WDR11: variants seen among roughly 807,000 people sequenced by gnomAD.
The protein encoded by WDR11 is WD repeat-containing protein 11.
Under a neutral mutation model 151.2 loss-of-function variants are expected in WDR11, and 83 were observed. The observed-to-expected ratio is 0.55, with a 90% CI of 0.46 to 0.66. The LOEUF (loss-of-function observed/expected upper bound fraction) is 0.66, where lower values mean the gene tolerates loss of function less well. WDR11 is among the 30% of genes least tolerant of loss of function. WDR11 has a pLI of 0.00. For missense variants in WDR11, 1,301 were observed against 1,480.9 expected (o/e 0.88, Z 1.99); for synonymous variants, 484 against 533.1 (o/e 0.91, Z 1.27).
chr10:120,871,193 G>T lies in WDR11; in HGVS notation c.1318G>T (p.Glu440Ter). 2 of 1,614,118 alleles carry T rather than the reference G, an allele frequency of 1.2e-6. No individual in the cohort carries two copies. The highest frequency in any genetic ancestry group is 1.7e-6 in the Non-Finnish European group (2 of 1,180,012). The change falls in exon 10 of 29, where the codon GAA becomes TAA. Residue 440 changes from glutamate (E) to a stop codon, truncating the protein, a stop_gained. Transcript: ENST00000263461. LOFTEE classifies it high-confidence loss of function. Reference protein sequence around the residue: ...MIGQSAIAGEEHPRGSILREV... With the variant: ...MIGQSAIAGE ...AGGGCAAAGTGCAATTGCTGGGGAA[G>T]AACATCCCAGAGGTTCAATTCTGCG...
chr10:120,855,315 G>T (rs1845909985), intron 2 of WDR11, among the ~76,000 whole-genome samples: 1 of 152,146 alleles, frequency 6.6e-6, no homozygotes, highest in Non-Finnish European at 1.5e-5. Flanking sequence ...AGGCAGGATG[G>T]AACAGGACAG....
intron 11 of WDR11, among the ~76,000 whole-genome samples, chr10:120,877,614 C>G (rs1456835338): frequency 6.6e-6 from 1 of 151,842 alleles, no homozygotes; most frequent in East Asian, 1.9e-4. Flanking sequence ...GAGACCCTGT[C>G]TCAAAAAACA....
intron 19 of WDR11, among the ~76,000 whole-genome samples, chr10:120,893,283 T>C (rs887946619): frequency 6.4e-4 from 98 of 152,004 alleles, no homozygotes; most frequent in African/African-American, 2.2e-3. Context: ...TTTGTCCTTT[T>C]GATAGTTTGC....
Position 120,866,621 on chromosome 10 carries a change from A to G in WDR11, c.1047A>G (p.Ala349=), listed in dbSNP as rs760543760. Residue 349 remains alanine, a synonymous_variant, in exon 8 of 29, where the codon GCA becomes GCG. Transcript: ENST00000263461. ...ATGATTTACGAAGCCAGTGTGATGC[A>G]ATCAGGGTGACAAAAACCGTCCGTC... is the stretch of plus-strand genomic sequence containing the variant. The part of the protein sequence containing the change: ...LTYDLRSQCD[A]IRVTKTVRPF... 4 of 1,614,112 alleles carry G rather than the reference A, an allele frequency of 2.5e-6. No individual in the cohort carries two copies. Among genetic ancestry groups the G allele is most frequent in the Non-Finnish European group, 3.4e-6 (4 of 1,180,056 alleles).
chr10:120,888,013 A>G (rs1847283881), intron 16 of WDR11, among the ~76,000 whole-genome samples: 1 of 152,070 alleles, frequency 6.6e-6, no homozygotes, highest in Non-Finnish European at 1.5e-5. Flanking sequence ...CTATTACCAG[A>G]GTTTTTACGG....
rs144571765 is a variant in WDR11 at position 120,886,255 on chromosome 10, A to G, written c.1973+317A>G. 5.3e-3 allele frequency among the ~76,000 whole-genome samples: 800 copies of G among 152,270 alleles called. 5 individuals carry two copies. The highest frequency in any genetic ancestry group is 0.018 in the African/African-American group (744 of 41,554). ...TCTGAAATTCAAATGAACATAGCAT[A>G]GACATACAGATAGATCATATTATCA... On this transcript the variant is annotated intron_variant, in intron 15 of 28. Coordinates refer to ENST00000263461, the MANE Select transcript of WDR11 (RefSeq NM_018117.12).
At chr10:120,857,862 C>G (rs1047621758) in intron 2 of WDR11, among the ~76,000 whole-genome samples, 11 of 152,134 alleles carry the variant, frequency 7.2e-5, no homozygotes, top group African/African-American at 2.7e-4. Context: ...ATGGAACTTA[C>G]AGTTGATGGA....
chr10:120,881,838 C>T (rs1847017219), intron 13 of WDR11, among the ~76,000 whole-genome samples: 1 of 151,814 alleles, frequency 6.6e-6, no homozygotes, highest in South Asian at 2.1e-4. Context: ...GATCTATAGG[C>T]CTTCTTTTTG....
At chr10:120,882,803 T>C (rs1234177292) in intron 13 of WDR11, among the ~76,000 whole-genome samples, 3 of 152,096 alleles carry the variant, frequency 2.0e-5, no homozygotes, top group Non-Finnish European at 4.4e-5. Flanking sequence ...CTATGATTTT[T>C]CCATTTTCAA....
In WDR11 at chr10:120,852,516, T is replaced by A; in HGVS notation, c.87-8T>A. 6.2e-7 allele frequency: 1 copy of A among 1,613,328 alleles called. No homozygotes were observed. Among genetic ancestry groups the A allele is most frequent in the Non-Finnish European group, 8.5e-7 (1 of 1,179,372 alleles). Reference sequence around the variant, plus strand: ...TGTACTTAAACTTTAACATTACTGTTTTGCTAGGGGCTGGCAAGGTTTAAT... The same window carrying A: ...TGTACTTAAACTTTAACATTACTGTATTGCTAGGGGCTGGCAAGGTTTAAT... On this transcript the variant is annotated splice_polypyrimidine_tract_variant and splice_region_variant and intron_variant, in intron 1 of 28. Coordinates refer to ENST00000263461, the MANE Select transcript of WDR11 (RefSeq NM_018117.12).
chr10:120,861,517 G>A (rs971045843), intron 4 of WDR11, among the ~76,000 whole-genome samples: 2 of 152,190 alleles, frequency 1.3e-5, no homozygotes, highest in African/African-American at 4.8e-5. Flanking sequence ...TGAAGGATGA[G>A]TTCTGGAACC....
intron 27 of WDR11, 70 bp from the exon 28 acceptor site, chr10:120,906,706 C>A: frequency 1.2e-6 from 2 of 1,613,012 alleles, no homozygotes; most frequent in Non-Finnish European, 8.5e-7. Flanking sequence ...TGTCTTTATA[C>A]CCTTCGATGC....
intron 28 of WDR11, chr10:120,907,205 C>A: frequency 1.1e-5 from 3 of 283,026 alleles, no homozygotes; most frequent in South Asian, 4.4e-5. Flanking sequence ...TTTTTCAAGA[C>A]CAGACATTCC....
intron 25 of WDR11, 21 bp downstream of exon 25, chr10:120,904,832 TTGTC>T (rs1183387123): frequency 6.2e-7 from 1 of 1,614,046 alleles, no homozygotes; most frequent in Admixed American, 1.7e-5. Flanking sequence ...CTTGATATGT[TTGTC>T]ATCTCTCTGA....
Position 120,889,114 on chromosome 10 carries a change from G to C in WDR11, c.2158G>C (p.Gly720Arg). Residue 720 changes from glycine (G) to arginine (R), a missense_variant, in exon 17 of 29, where the codon GGT becomes CGT. By Grantham distance (125) the Gly-to-Arg change is moderately radical. Around this residue, in one of 3 missense-constraint regions of WDR11, gnomAD observed 589 missense variants for 670.6 expected, o/e 0.88. Transcript: ENST00000263461. The part of the protein sequence containing the change: ...MGSITCIAWK[G>R]DTLVLGDMDG... ...TAGTATTACCTGCATCGCTTGGAAAGGTGATACATTAGTGCTTGGAGATAT... is the reference window on the plus strand; with the variant it reads ...TAGTATTACCTGCATCGCTTGGAAACGTGATACATTAGTGCTTGGAGATAT... The C allele has an allele frequency of 6.2e-7, 1 of 1,613,944 alleles. No homozygotes were observed. Among genetic ancestry groups the C allele is most frequent in the Non-Finnish European group, 8.5e-7 (1 of 1,179,952 alleles).
At chr10:120,905,534 C>A in intron 26 of WDR11, 118 bp downstream of exon 26, 1 of 1,040,220 alleles carries the variant, frequency 9.6e-7, no homozygotes, top group Non-Finnish European at 1.5e-6. Context: ...TTTGCAAATA[C>A]TGTCTTGGAA....
Position 120,905,254 on chromosome 10 carries a change from T to C in WDR11, c.3194-65T>C, listed in dbSNP as rs1406682453. ...AGATAAGGTCAAATGGGGATTTAAC[T>C]TTTTAATGACTTCTCAAAGAAGGAG... is the stretch of plus-strand genomic sequence containing the variant. On this transcript the variant is annotated intron_variant, in intron 25 of 28. Transcript: ENST00000263461. The C allele has an allele frequency of 3.0e-5, 46 of 1,541,346 alleles. No homozygotes were observed. The East Asian group carries it at 1.0e-3, about 35-fold the overall frequency.
At chr10:120,852,385 T>C (rs1198584248) in intron 1 of WDR11, 139 bp from the exon 2 acceptor site, 1 of 713,850 alleles carries the variant, frequency 1.4e-6, no homozygotes, top group Non-Finnish European at 2.5e-6. Flanking sequence ...GGGATAATGA[T>C]AAATACTGGC....
In WDR11 at chr10:120,883,842, C is replaced by A; in HGVS notation, c.1802C>A (p.Thr601Asn). ...PLELWDVRTC[T>N]LLREMSKNFP... ...GAGCTATGGGATGTTAGGACTTGTACCCTTCTTAGAGAGATGTCCAAAAAC... is the reference window on the plus strand; with the variant it reads ...GAGCTATGGGATGTTAGGACTTGTAACCTTCTTAGAGAGATGTCCAAAAAC... The change falls in exon 14 of 29, where the codon ACC becomes AAC. Residue 601 changes from threonine to asparagine, a missense_variant. Transcript: ENST00000263461. 1.2e-6 allele frequency: 2 copies of A among 1,613,384 alleles called. No homozygotes were observed. Among genetic ancestry groups the A allele is most frequent in the South Asian group, 1.1e-5 (1 of 91,066 alleles).
Sources: allele counts gnomAD v4.1 joint callset (sites outside exome capture counted in the v4.1 genomes callset), GRCh38; gene constraint gnomAD v4.1.1; regional missense constraint gnomAD v4.1.1; transcripts MANE v1.5; gene names NCBI Gene and HGNC (gene_info 2026-07-23, HGNC 2026-07-21).